SCN10A: variants seen among roughly 807,000 people sequenced by gnomAD.
SCN10A encodes the protein sodium channel protein type 10 subunit alpha.
In SCN10A, 162 loss-of-function variants were observed where a neutral mutation model predicts 170.7. That is an observed-to-expected ratio of 0.95 (90% CI 0.84 to 1.08). The LOEUF is 1.08. Among genes scored for constraint, SCN10A ranks in the 50% least tolerant of loss-of-function variants. SCN10A has a pLI of 0.00. For synonymous variants in SCN10A, 985 were observed against 904.6 expected (o/e 1.09, Z -1.59); for missense variants, 2,527 against 2,436.9 (o/e 1.04, Z -0.78).
chr3:38,770,112 C>A (rs1035639275), intron 5 of SCN10A, among the ~76,000 whole-genome samples: 9 of 152,160 alleles, frequency 5.9e-5, no homozygotes, highest in Non-Finnish European at 1.3e-4. Context: ...GGCAGTGCAA[C>A]TGGTTGTTGT....
intron 8 of SCN10A, among the ~76,000 whole-genome samples, 162 bp downstream of exon 8, chr3:38,760,519 T>C (rs977486595): frequency 6.6e-6 from 1 of 152,244 alleles, no homozygotes; most frequent in African/African-American, 2.4e-5. Context: ...AGCTAACTCA[T>C]ACATTCCCTC....
At chr3:38,708,773 G>T (rs567599038) in intron 25 of SCN10A, among the ~76,000 whole-genome samples, 1 of 152,306 alleles carries the variant, frequency 6.6e-6, no homozygotes, top group Admixed American at 6.5e-5. Flanking sequence ...AATATTGCCA[G>T]CATGAGCCAT....
chr3:38,722,058 G>A (rs1028323478), intron 20 of SCN10A, among the ~76,000 whole-genome samples, 200 bp downstream of exon 20: 1 of 152,230 alleles, frequency 6.6e-6, no homozygotes, highest in African/African-American at 2.4e-5. Context: ...GGCAGGCCAT[G>A]GCACGGGCAC....
At chr3:38,747,884 A>T (rs1191257685) in intron 13 of SCN10A, among the ~76,000 whole-genome samples, 1 of 151,616 alleles carries the variant, frequency 6.6e-6, no homozygotes, top group African/African-American at 2.4e-5. Flanking sequence ...TTCCTACTTT[A>T]TTTTTTCTCC....
chr3:38,746,422 C>A (rs1296018607), intron 13 of SCN10A, among the ~76,000 whole-genome samples: 1 of 151,988 alleles, frequency 6.6e-6, no homozygotes, highest in African/African-American at 2.4e-5. Context: ...TCAAGCACTG[C>A]CATCTTGTAC....
At chr3:38,804,376 T>C (rs1261343346) in intron 1 of SCN10A, among the ~76,000 whole-genome samples, 3 of 152,168 alleles carry the variant, frequency 2.0e-5, no homozygotes, top group Non-Finnish European at 4.4e-5. Flanking sequence ...TCTCTCTTCA[T>C]TTTTCTTCAT....
intron 4 of SCN10A, among the ~76,000 whole-genome samples, chr3:38,786,730 G>A (rs897077820): frequency 6.6e-6 from 1 of 152,108 alleles, no homozygotes; most frequent in Non-Finnish European, 1.5e-5. Context: ...GTTTAATGTA[G>A]TTTTTCCAGT....
chr3:38,708,207 G>T lies in SCN10A; in HGVS notation c.4282-824C>A, dbSNP rs559340497. On this transcript the variant is annotated intron_variant, in intron 25 of 27. Transcript: ENST00000449082. Reference sequence around the variant, plus strand: ...GCTTCCTGGGAGGACCATCTTTATGGGGGGAGAGAAGGAAAGGGCAAGGGC... The same window carrying T: ...GCTTCCTGGGAGGACCATCTTTATGTGGGGAGAGAAGGAAAGGGCAAGGGC... 2.4e-3 allele frequency among the ~76,000 whole-genome samples: 371 copies of T among 152,234 alleles called. 1 individual carries two copies. Among genetic ancestry groups the T allele is most frequent in the Non-Finnish European group, 4.1e-3 (278 of 68,016 alleles).
At chr3:38,725,662 C>T (rs534651601) in intron 17 of SCN10A, among the ~76,000 whole-genome samples, 6 of 152,354 alleles carry the variant, frequency 3.9e-5, no homozygotes, top group East Asian at 1.9e-4. Context: ...ACACTTTGCA[C>T]GAAGTGCTTG....
intron 13 of SCN10A, among the ~76,000 whole-genome samples, chr3:38,748,141 G>C (rs886135737): frequency 6.6e-6 from 1 of 152,150 alleles, no homozygotes; most frequent in African/African-American, 2.4e-5. Flanking sequence ...AATGTTTGCT[G>C]TTTGATGACT....
chr3:38,776,946 C>T (rs1366602987), intron 4 of SCN10A, among the ~76,000 whole-genome samples: 2 of 151,888 alleles, frequency 1.3e-5, no homozygotes, highest in Non-Finnish European at 2.9e-5. Flanking sequence ...ATATGATAAC[C>T]TCAATAAATA....
chr3:38,756,043 G>T lies in SCN10A; in HGVS notation c.1291-85C>A, dbSNP rs908654399. 4.8e-6 allele frequency: 7 copies of T among 1,452,540 alleles called. No homozygotes were observed. In the African/African-American group the frequency reaches 7.0e-5, roughly 14 times the overall value. The allele number at this position is 1,452,540 out of a possible 1,614,324, so 90.0% of individuals were successfully genotyped here. Reference sequence around the variant, plus strand: ...GTCCCCCAGACATGGGGTGCCAGGGGTGAGAGATCTGAAACAGAGAAGCTG... The same window carrying T: ...GTCCCCCAGACATGGGGTGCCAGGGTTGAGAGATCTGAAACAGAGAAGCTG... On this transcript the variant is annotated intron_variant, in intron 10 of 27. Transcript: ENST00000449082.
intron 16 of SCN10A, 61 bp downstream of exon 16, chr3:38,728,481 T>C (rs985900342): frequency 1.4e-6 from 2 of 1,474,806 alleles, no homozygotes; most frequent in East Asian, 4.6e-5. Context: ...CTTTTTCAGA[T>C]AACCCAGAAG....
intron 20 of SCN10A, among the ~76,000 whole-genome samples, chr3:38,720,697 G>T (rs879372073): frequency 6.6e-6 from 1 of 152,112 alleles, no homozygotes; most frequent in Non-Finnish European, 1.5e-5. Flanking sequence ...GGGAATGTGG[G>T]GGGTGGACCG....
rs1248056092 is a variant in SCN10A, at chr3:38,743,889, C to G, written c.1868-1360G>C. ...ATCCCTTCCTGAACACTAGGCTTAT[C>G]TCTCTACCTGCCTCCGTTAAATCTC... On this transcript the variant is annotated intron_variant, in intron 13 of 27. Transcript: ENST00000449082. Among the ~76,000 whole-genome samples the G allele has an allele frequency of 2.0e-5, 3 of 152,320 alleles. No individual in the cohort carries two copies. The East Asian group carries it at 5.8e-4, about 29-fold the overall frequency.
At chr3:38,753,372 G>T (rs2063769778) in intron 11 of SCN10A, among the ~76,000 whole-genome samples, 1 of 152,106 alleles carries the variant, frequency 6.6e-6, no homozygotes, top group Non-Finnish European at 1.5e-5. Context: ...TCTAAACATT[G>T]ACTTCATACC....
Position 38,698,480 on chromosome 3 carries a change from A to G in SCN10A, c.4740T>C (p.Ile1580=). 1 of 1,614,196 alleles carries G rather than the reference A, an allele frequency of 6.2e-7. No individual in the cohort carries two copies. The highest frequency in any genetic ancestry group is 8.5e-7 in the Non-Finnish European group (1 of 1,180,032). ...TLFRVIRLAR[I]GRILRLIRAA... ...CTCGGATCAGTCTGAGGATGCGGCC[A>G]ATTCGGGCCAGGCGGATGACTCTGA... is the stretch of plus-strand genomic sequence containing the variant. The change falls in exon 28 of 28, where the codon ATT becomes ATC. Residue 1580 remains isoleucine, a synonymous_variant. Transcript: ENST00000449082.
At chr3:38,750,305 G>T in intron 12 of SCN10A, 121 bp from the exon 13 acceptor site, 1 of 595,704 alleles carries the variant, frequency 1.7e-6, no homozygotes, top group South Asian at 2.3e-5. Flanking sequence ...TACAGATAGA[G>T]ATATGTTCTG....
rs774462243 is a variant in SCN10A, at chr3:38,792,090, T to G, written c.349A>C (p.Asn117His). The G allele has an allele frequency of 2.4e-5, 39 of 1,613,674 alleles. No homozygotes were observed. In the East Asian group the frequency reaches 8.2e-4, roughly 34 times the overall value. Reference sequence around the variant, plus strand: ...TTGATGGCCGTTCTTCTGATCAGGTTGAAAGGACTGAATAGCCACAGGGCC... The same window carrying G: ...TTGATGGCCGTTCTTCTGATCAGGTGGAAAGGACTGAATAGCCACAGGGCC... Reference protein sequence around the residue: ...TRALWLFSPFNLIRRTAIKVS... With the variant: ...TRALWLFSPFHLIRRTAIKVS... The change falls in exon 3 of 28, where the codon AAC (asparagine) becomes CAC (histidine). Residue 117 changes from asparagine (N) to histidine (H), a missense_variant. Coordinates refer to ENST00000449082, the MANE Select transcript of SCN10A (RefSeq NM_006514.4).
Sources: gnomAD v4.1 joint callset for allele counts (sites outside exome capture counted in the v4.1 genomes callset) on GRCh38, gnomAD v4.1.1 for gene constraint, MANE v1.5 for transcripts, NCBI Gene and HGNC (gene_info 2026-07-23, HGNC 2026-07-21) for gene names.